AGMO: variants seen among roughly 807,000 people sequenced by gnomAD.
AGMO encodes glyceryl-ether monooxygenase.
In AGMO, 75 loss-of-function variants were observed where a neutral mutation model predicts 60.2. The observed-to-expected ratio is 1.25, with a 90% CI of 1.03 to 1.51. The LOEUF (loss-of-function observed/expected upper bound fraction) is 1.51. Ranked by LOEUF, AGMO falls within the 40% of genes most tolerant of loss-of-function variation. The probability of loss-of-function intolerance (pLI) is 0.00; values close to 1 mark genes in which losing one functional copy is unlikely to be tolerated. For missense variants in AGMO, 763 were observed against 525.5 expected (o/e 1.45, Z -4.42); for synonymous variants, 261 against 177.1 (o/e 1.47, Z -3.76).
the AGMO span, among the ~76,000 whole-genome samples, chr7:15,120,303 T>C: frequency 2.0e-5 from 3 of 152,084 alleles, no homozygotes; most frequent in African/African-American, 4.8e-5. Flanking sequence ...CAATGGTTGA[T>C]CCTAAGATCT....
intron 12 of AGMO, among the ~76,000 whole-genome samples, chr7:15,226,628 T>G (rs539545651): frequency 6.6e-6 from 1 of 152,182 alleles, no homozygotes; most frequent in East Asian, 1.9e-4. Context: ...AAATACTCTC[T>G]CTGCATAAGA....
intron 2 of AGMO, among the ~76,000 whole-genome samples, chr7:15,557,156 T>C (rs1223434769): frequency 2.6e-5 from 4 of 152,012 alleles, no homozygotes; most frequent in Admixed American, 2.6e-4. Flanking sequence ...AAAACATGGT[T>C]TTTCTTCAAA....
At position 15,323,183 on chromosome 7, in the gene AGMO, T is replaced by C. The variant is rs559259823; in HGVS notation, c.1263+42331A>G. 6.6e-5 allele frequency among the ~76,000 whole-genome samples: 10 copies of C among 152,176 alleles called. No homozygotes were observed. In the South Asian group the frequency reaches 1.9e-3, roughly 28 times the overall value. Reference sequence around the variant, plus strand: ...TAAAGAGATGATAAGCGAATGATCTTGTTTCTCACAGTGCAGATGAAGAGC... The same window carrying C: ...TAAAGAGATGATAAGCGAATGATCTCGTTTCTCACAGTGCAGATGAAGAGC... On this transcript the variant is annotated intron_variant, in intron 12 of 12. Transcript: ENST00000342526.
At chr7:15,279,754 T>C (rs553865028) in intron 12 of AGMO, among the ~76,000 whole-genome samples, 6 of 152,252 alleles carry the variant, frequency 3.9e-5, no homozygotes, top group African/African-American at 1.4e-4. Context: ...GAGCTGGGGA[T>C]AAACTGCCTC....
At chr7:15,472,616 G>A (rs181336964) in intron 3 of AGMO, among the ~76,000 whole-genome samples, 4 of 151,926 alleles carry the variant, frequency 2.6e-5, no homozygotes, top group East Asian at 3.9e-4. Context: ...AGAATTAAAC[G>A]TCACAGTTAA....
At chr7:15,555,792 T>C (rs1484330783) in intron 2 of AGMO, among the ~76,000 whole-genome samples, 1 of 151,986 alleles carries the variant, frequency 6.6e-6, no homozygotes, top group East Asian at 1.9e-4. Flanking sequence ...TAGCAGTTTC[T>C]GAAGTTACGC....
At chr7:15,316,954 C>T (rs1299173032) in intron 12 of AGMO, among the ~76,000 whole-genome samples, 1 of 152,128 alleles carries the variant, frequency 6.6e-6, no homozygotes, top group African/African-American at 2.4e-5. Context: ...GAATATTCAG[C>T]TTTTTGCTCT....
At chr7:15,294,192 G>C (rs1784351854) in intron 12 of AGMO, among the ~76,000 whole-genome samples, 1 of 151,976 alleles carries the variant, frequency 6.6e-6, no homozygotes, top group South Asian at 2.1e-4. Context: ...TTTAATCATA[G>C]TGGAATAGAT....
the AGMO span, among the ~76,000 whole-genome samples, chr7:15,119,325 C>G: frequency 5.8e-3 from 883 of 152,118 alleles, 12 homozygotes; most frequent in African/African-American, 0.02. Context: ...CCTGTACAGC[C>G]TGCAGAACTG....
intron 12 of AGMO, among the ~76,000 whole-genome samples, chr7:15,318,153 G>A (rs908458361): frequency 8.6e-5 from 13 of 151,610 alleles, no homozygotes; most frequent in Admixed American, 6.6e-4. Flanking sequence ...TTACAGGCAT[G>A]CACCACAATC....
intron 12 of AGMO, among the ~76,000 whole-genome samples, chr7:15,308,747 A>G (rs2128530378): frequency 6.6e-6 from 1 of 152,310 alleles, no homozygotes; most frequent in African/African-American, 2.4e-5. Flanking sequence ...ATAACAACTA[A>G]TGTGTTATGT....
At chr7:15,136,517 T>A in the AGMO span, among the ~76,000 whole-genome samples, 6 of 152,140 alleles carry the variant, frequency 3.9e-5, no homozygotes, top group Admixed American at 3.9e-4. Flanking sequence ...AAGGAGCATT[T>A]ACATTATTAC....
intron 3 of AGMO, among the ~76,000 whole-genome samples, chr7:15,507,336 C>T (rs1397897576): frequency 1.3e-5 from 2 of 151,914 alleles, no homozygotes; most frequent in Non-Finnish European, 2.9e-5. Context: ...ACAGTATGAC[C>T]CCCCTGAGGA....
At chr7:15,495,237 G>C (rs930804683) in intron 3 of AGMO, among the ~76,000 whole-genome samples, 9 of 152,090 alleles carry the variant, frequency 5.9e-5, no homozygotes, top group African/African-American at 2.2e-4. Flanking sequence ...AGAAGGCTTT[G>C]GTTGTTCCCA....
At chr7:15,249,409 G>T (rs1027711920) in intron 12 of AGMO, among the ~76,000 whole-genome samples, 6 of 152,108 alleles carry the variant, frequency 3.9e-5, no homozygotes, top group African/African-American at 1.4e-4. Flanking sequence ...ATCTCCCAAA[G>T]ATTAAAATAC....
At chr7:15,425,001 A>G (rs1462325970) in intron 4 of AGMO, among the ~76,000 whole-genome samples, 2 of 152,224 alleles carry the variant, frequency 1.3e-5, no homozygotes, top group African/African-American at 4.8e-5. Context: ...CTGAGATTTC[A>G]CTAAGGTTTC....
the AGMO span, among the ~76,000 whole-genome samples, chr7:15,149,470 T>A: frequency 1.3e-5 from 2 of 152,328 alleles, no homozygotes; most frequent in African/African-American, 4.8e-5. Flanking sequence ...AAGCTTTTAA[T>A]CTATCATGAG....
At chr7:15,488,734 T>C (rs995863745) in intron 3 of AGMO, among the ~76,000 whole-genome samples, 1 of 152,066 alleles carries the variant, frequency 6.6e-6, no homozygotes, top group African/African-American at 2.4e-5. Context: ...CTAAGATAAC[T>C]AGCCAGGCAA....
chr7:15,307,039 A>G (rs1219942656), intron 12 of AGMO, among the ~76,000 whole-genome samples: 1 of 152,110 alleles, frequency 6.6e-6, no homozygotes, highest in Admixed American at 6.6e-5. Context: ...AAATAATTAT[A>G]AAGTGATTCC....
Sources: allele counts gnomAD v4.1 joint callset (sites outside exome capture counted in the v4.1 genomes callset), GRCh38; gene constraint gnomAD v4.1.1; transcripts MANE v1.5; gene names NCBI Gene and HGNC (gene_info 2026-07-23, HGNC 2026-07-21).